MTHFSD: variants seen among roughly 807,000 people sequenced by gnomAD.
The protein encoded by MTHFSD is methenyltetrahydrofolate synthetase domain containing, also known as methenyltetrahydrofolate synthase domain-containing protein.
In MTHFSD, 37 loss-of-function variants were observed where a neutral mutation model predicts 31.1. The observed-to-expected ratio is 1.19, with a 90% CI of 0.91 to 1.56. The LOEUF (loss-of-function observed/expected upper bound fraction) is 1.56. Among genes scored for constraint, MTHFSD ranks in the 40% most tolerant of loss-of-function variants. MTHFSD has a pLI of 0.00. For missense variants in MTHFSD, 664 were observed against 510.1 expected (o/e 1.30, Z -2.91); for synonymous variants, 221 against 206.9 (o/e 1.07, Z -0.59).
intron 2 of MTHFSD, 80 bp downstream of exon 2, chr16:86,554,565 G>A: frequency 1.8e-6 from 2 of 1,101,930 alleles, no homozygotes; most frequent in South Asian, 1.3e-5. Context: ...CCATGACGCA[G>A]TAAGAGAATT....
chr16:86,533,210 CGGCAGCG>C (rs1238953046), intron 7 of MTHFSD: 3 of 152,224 alleles, frequency 2.0e-5, no homozygotes, highest in Non-Finnish European at 2.9e-5. Context: ...CAATTAGCTA[CGGCAGCG>C]GGCCCCTTGG....
At chr16:86,553,880 A>G (rs529589721) in intron 2 of MTHFSD, among the ~76,000 whole-genome samples, 1 of 152,330 alleles carries the variant, frequency 6.6e-6, no homozygotes, top group Non-Finnish European at 1.5e-5. Context: ...CACACCAATC[A>G]GCACCCTGTG....
chr16:86,546,531 C>T (rs765896792), intron 5 of MTHFSD, 28 bp downstream of exon 5: 3 of 1,603,506 alleles, frequency 1.9e-6, no homozygotes, highest in South Asian at 1.1e-5. Context: ...AGCTGTCACA[C>T]TCAAGGGTTC....
At chr16:86,540,955 G>C in intron 7 of MTHFSD, 1 of 1,173,064 alleles carries the variant, frequency 8.5e-7, no homozygotes, top group Non-Finnish European at 1.1e-6. Flanking sequence ...TTCATCCTTA[G>C]AGGTGATGTT....
At chr16:86,549,451 C>T (rs1166192094) in intron 3 of MTHFSD, among the ~76,000 whole-genome samples, 1 of 152,242 alleles carries the variant, frequency 6.6e-6, no homozygotes, top group East Asian at 1.9e-4. Context: ...CCTATTTCAA[C>T]AAAGGCTTGT....
chr16:86,549,505 C>A (rs998348876), intron 3 of MTHFSD, among the ~76,000 whole-genome samples: 1 of 152,230 alleles, frequency 6.6e-6, no homozygotes, highest in Non-Finnish European at 1.5e-5. Flanking sequence ...GCTGTGACTG[C>A]GGCCTGCTGC....
rs1567539819 is a variant in MTHFSD, at chr16:86,541,824, T to TG, written c.556-3dup. ...AAGCTCTTCAGGGATGTCCACGACC[T>TG]GGGGGAAGAGAGGAGGGATAAAGGG... On this transcript the variant is annotated splice_region_variant and splice_polypyrimidine_tract_variant and intron_variant, in intron 6 of 7. Coordinates refer to ENST00000360900, the MANE Select transcript of MTHFSD (RefSeq NM_001159377.2). 2 of 1,613,696 alleles carry TG rather than the reference T, an allele frequency of 1.2e-6. No individual in the cohort carries two copies. Among genetic ancestry groups the TG allele is most frequent in the Non-Finnish European group, 1.7e-6 (2 of 1,179,800 alleles).
At chr16:86,554,281 C>A (rs1317952738) in intron 2 of MTHFSD, among the ~76,000 whole-genome samples, 3 of 152,212 alleles carry the variant, frequency 2.0e-5, no homozygotes, top group Non-Finnish European at 4.4e-5. Context: ...AAGGAAGAAA[C>A]TCTGAACACA....
chr16:86,545,976 G>C (rs1972239594), intron 5 of MTHFSD, among the ~76,000 whole-genome samples: 2 of 152,240 alleles, frequency 1.3e-5, no homozygotes, highest in African/African-American at 4.8e-5. Flanking sequence ...GACAGCAAGA[G>C]GTGGTGTGGT....
At chr16:86,541,445 G>A (rs898840416) in intron 7 of MTHFSD, 5 of 617,948 alleles carry the variant, frequency 8.1e-6, no homozygotes, top group African/African-American at 7.4e-5. Context: ...CAGCCCATGT[G>A]GCCATTTCTG....
rs1294425781 is a variant in MTHFSD, at chr16:86,553,977, A to G, written c.123+668T>C. 2.0e-5 allele frequency among the ~76,000 whole-genome samples: 3 copies of G among 152,224 alleles called. No individual in the cohort carries two copies. The East Asian group carries it at 5.8e-4, about 29-fold the overall frequency. On this transcript the variant is annotated intron_variant, in intron 2 of 7. Coordinates refer to ENST00000360900, the MANE Select transcript of MTHFSD (RefSeq NM_001159377.2). The stretch of plus-strand genomic sequence containing the variant: ...GGTGGAGAACTTTTGTGTCTAGCTC[A>G]GGGATTGTAAACGCACCAATCAGCA...
intron 2 of MTHFSD, chr16:86,553,504 C>G (rs1035890442): frequency 2.0e-5 from 3 of 152,496 alleles, no homozygotes; most frequent in African/African-American, 7.2e-5. Flanking sequence ...GCGTGGGGAG[C>G]CCCGCACTCA....
At position 86,555,163 on chromosome 16, in the gene MTHFSD, C is replaced by A. The variant is rs1183221974; in HGVS notation, c.16+6G>T. ...AGCCGCCCCGGAGCCCCGCCAGGCC[C>A]CCCACCTGCCCTCGGCTCCATGGTG... On this transcript the variant is annotated splice_donor_region_variant and intron_variant, in intron 1 of 7. Coordinates refer to ENST00000360900, the MANE Select transcript of MTHFSD (RefSeq NM_001159377.2). 6.5e-7 allele frequency: 1 copy of A among 1,536,582 alleles called. No individual in the cohort carries two copies. Among genetic ancestry groups the A allele is most frequent in the Admixed American group, 2.0e-5 (1 of 51,044 alleles).
chr16:86,552,378 C>A (rs2143882455), intron 2 of MTHFSD: 6 of 1,151,132 alleles, frequency 5.2e-6, no homozygotes, highest in Middle Eastern at 2.2e-4. Context: ...CAGAATCTCA[C>A]CCAGACAGGC....
intron 7 of MTHFSD, among the ~76,000 whole-genome samples, chr16:86,540,329 C>G (rs1328808523): frequency 1.3e-5 from 2 of 152,212 alleles, no homozygotes; most frequent in Admixed American, 6.5e-5. Context: ...CCTCCCTCCC[C>G]CACAGTGCTG....
intron 3 of MTHFSD, among the ~76,000 whole-genome samples, chr16:86,551,319 T>C (rs1973108335): frequency 6.6e-6 from 1 of 152,214 alleles, no homozygotes; most frequent in African/African-American, 2.4e-5. Context: ...ACAAGTGCTC[T>C]AACCGATACC....
chr16:86,554,652 T>G lies in MTHFSD; in HGVS notation c.116A>C (p.Asn39Thr), dbSNP rs753630488. The change falls in exon 2 of 8, where the codon AAC becomes ACC. Residue 39 changes from asparagine to threonine, a missense_variant. Coordinates refer to ENST00000360900, the MANE Select transcript of MTHFSD (RefSeq NM_001159377.2). ...FPRPVHHRIP[N>T]FKGSYLACQN... ...CCAGAAATATGTCAGTACCTTAAAGTTGGGTATCCTGTGATGAACAGGTCG... is the reference window on the plus strand; with the variant it reads ...CCAGAAATATGTCAGTACCTTAAAGGTGGGTATCCTGTGATGAACAGGTCG... 4 of 1,612,800 alleles carry G rather than the reference T, an allele frequency of 2.5e-6. No homozygotes were observed. The highest frequency in any genetic ancestry group is 3.4e-6 in the Non-Finnish European group (4 of 1,179,288).
At chr16:86,533,071 G>C (rs568821129) in intron 7 of MTHFSD, 1 of 152,392 alleles carries the variant, frequency 6.6e-6, no homozygotes, top group South Asian at 2.1e-4. Flanking sequence ...CTGAAACACA[G>C]CTTTGAAAAC....
rs574981538 is a variant in MTHFSD, at chr16:86,532,375, G to A, written c.788C>T (p.Pro263Leu). ...VTLQGEHQHLPEPGCQQTVPL... is the reference protein window; with the variant it reads ...VTLQGEHQHLLEPGCQQTVPL... ...CACTGTCTGCTGGCAGCCTGGTTCC[G>A]GAAGGTGCTGGTGCTCACCCTGGAG... The change falls in exon 8 of 8, where the codon CCG becomes CTG. Residue 263 changes from proline to leucine, a missense_variant. Pro to Leu is a moderately conservative substitution (Grantham distance 98). Coordinates refer to ENST00000360900, the MANE Select transcript of MTHFSD (RefSeq NM_001159377.2). 40 of 1,575,472 alleles carry A rather than the reference G, an allele frequency of 2.5e-5. No homozygotes were observed. Among genetic ancestry groups the A allele is most frequent in the South Asian group, 7.0e-5 (6 of 85,422 alleles).
Sources: gnomAD v4.1 joint callset for allele counts (sites outside exome capture counted in the v4.1 genomes callset) on GRCh38, gnomAD v4.1.1 for gene constraint, MANE v1.5 for transcripts, NCBI Gene and HGNC (gene_info 2026-07-23, HGNC 2026-07-21) for gene names.